Variants in TXNRD2 observed in about 807,000 individuals in gnomAD.
TXNRD2 encodes the protein thioredoxin reductase 2, mitochondrial.
TXNRD2 carries 67 observed loss-of-function variants against 70.8 expected under a neutral mutation model. That is an observed-to-expected ratio of 0.95 (90% CI 0.78 to 1.16). The LOEUF (loss-of-function observed/expected upper bound fraction) is 1.16, where lower values mean the gene tolerates loss of function less well. Ranked by LOEUF, TXNRD2 falls within the 50% of genes most tolerant of loss-of-function variation. The probability of loss-of-function intolerance (pLI) is 0.00; values close to 1 mark genes in which losing one functional copy is unlikely to be tolerated. For missense variants in TXNRD2, 644 were observed against 719.9 expected (o/e 0.89, Z 1.21); for synonymous variants, 301 against 295.8 (o/e 1.02, Z -0.18).
intron 1 of TXNRD2, chr22:19,941,490 C>T: frequency 1.2e-6 from 1 of 824,076 alleles, no homozygotes; most frequent in East Asian, 3.5e-5. Flanking sequence ...GACAAGGCAC[C>T]CAGCCCCAGT....
At position 19,932,557 on chromosome 22, in the gene TXNRD2, A is replaced by G; in HGVS notation, c.104-1459T>C. The G allele has an allele frequency of 8.1e-6, 12 of 1,482,782 alleles. No homozygotes were observed. The South Asian group carries it at 1.5e-4, about 19-fold the overall frequency. 91.9% of individuals were successfully genotyped at this position (1,482,782 alleles called of 1,614,324 possible). A position where few individuals can be genotyped will look rare whatever the true frequency, so the allele number is the denominator to read the frequency against. On this transcript the variant is annotated intron_variant, in intron 1 of 17. Transcript: ENST00000400521. Reference sequence around the variant, plus strand: ...CTGAACTGGGCCTGAGGTCCGGGACACCCAGCACCAGGCACCAGCCAACTC... The same window carrying G: ...CTGAACTGGGCCTGAGGTCCGGGACGCCCAGCACCAGGCACCAGCCAACTC...
chr22:19,928,442 T>C (rs1941234891), intron 2 of TXNRD2, among the ~76,000 whole-genome samples: 1 of 152,176 alleles, frequency 6.6e-6, no homozygotes, highest in African/African-American at 2.4e-5. Context: ...CTCAAGGTCA[T>C]TACCCTGAGT....
chr22:19,928,247 A>T (rs1941225751), intron 2 of TXNRD2, among the ~76,000 whole-genome samples: 1 of 152,210 alleles, frequency 6.6e-6, no homozygotes, highest in African/African-American at 2.4e-5. Flanking sequence ...AATTTAAAAC[A>T]TATATCCACA....
intron 1 of TXNRD2, among the ~76,000 whole-genome samples, chr22:19,936,834 T>C (rs951705578): frequency 1.3e-5 from 2 of 152,326 alleles, no homozygotes; most frequent in Middle Eastern, 3.4e-3. Context: ...CTCTATCTCA[T>C]GTGCCTGCTC....
intron 8 of TXNRD2, among the ~76,000 whole-genome samples, chr22:19,908,086 G>A (rs1230785009): frequency 1.8e-4 from 19 of 102,742 alleles, no homozygotes; most frequent in African/African-American, 3.1e-4. Flanking sequence ...TGTGGGCGCC[G>A]TGGGTAGCAG....
intron 1 of TXNRD2, among the ~76,000 whole-genome samples, chr22:19,939,346 C>T (rs991878714): frequency 6.6e-6 from 1 of 152,188 alleles, no homozygotes; most frequent in Non-Finnish European, 1.5e-5. Flanking sequence ...AAAATCTCAC[C>T]ATTTCTATTA....
intron 7 of TXNRD2, among the ~76,000 whole-genome samples, chr22:19,913,956 G>A (rs1054515246): frequency 1.3e-5 from 2 of 152,234 alleles, no homozygotes; most frequent in Non-Finnish European, 2.9e-5. Context: ...CAAAGAATAA[G>A]AGTCTACAAA....
chr22:19,902,152 C>T (rs1939806594), intron 8 of TXNRD2, among the ~76,000 whole-genome samples: 1 of 152,178 alleles, frequency 6.6e-6, no homozygotes, highest in African/African-American at 2.4e-5. Context: ...AGCTGCACTC[C>T]AGCCCGGGAA....
At chr22:19,933,694 G>C (rs1941446252) in intron 1 of TXNRD2, among the ~76,000 whole-genome samples, 1 of 152,220 alleles carries the variant, frequency 6.6e-6, no homozygotes, top group African/African-American at 2.4e-5. Context: ...GGCTTGGGTA[G>C]CCTGCTGGGA....
intron 11 of TXNRD2, among the ~76,000 whole-genome samples, chr22:19,890,931 C>CCCA (rs1939237339): frequency 6.6e-6 from 1 of 152,114 alleles, no homozygotes; most frequent in Non-Finnish European, 1.5e-5. Context: ...ACCGCCAGCC[C>CCCA]CCATCATCAT....
At chr22:19,911,950 C>T (rs1011757645) in intron 7 of TXNRD2, among the ~76,000 whole-genome samples, 9 of 152,118 alleles carry the variant, frequency 5.9e-5, no homozygotes, top group Admixed American at 1.3e-4. Flanking sequence ...TGTGTCTGCG[C>T]GGCAGGGGTG....
At chr22:19,934,911 C>T (rs1394840713) in intron 1 of TXNRD2, among the ~76,000 whole-genome samples, 2 of 152,190 alleles carry the variant, frequency 1.3e-5, no homozygotes, top group African/African-American at 4.8e-5. Context: ...ATCTCTTAAT[C>T]CTGTTATCTT....
intron 11 of TXNRD2, among the ~76,000 whole-genome samples, chr22:19,890,271 T>C (rs1358097058): frequency 2.0e-5 from 3 of 152,228 alleles, no homozygotes; most frequent in African/African-American, 7.2e-5. Context: ...ATGTTCATCT[T>C]GGCCCCACTT....
At chr22:19,911,468 C>A (rs1454021000) in intron 7 of TXNRD2, 21 bp from the exon 8 acceptor site, 1 of 1,605,444 alleles carries the variant, frequency 6.2e-7, no homozygotes, top group Admixed American at 1.7e-5. Context: ...AGAAATGACC[C>A]CTTGGACAAG....
chr22:19,901,190 G>T (rs557468249), intron 8 of TXNRD2, among the ~76,000 whole-genome samples: 1 of 152,222 alleles, frequency 6.6e-6, no homozygotes, highest in Non-Finnish European at 1.5e-5. Context: ...TGACCCACCA[G>T]GCCTGGATTG....
intron 8 of TXNRD2, among the ~76,000 whole-genome samples, chr22:19,910,782 A>G (rs2146023196): frequency 6.6e-6 from 1 of 152,244 alleles, no homozygotes; most frequent in East Asian, 1.9e-4. Flanking sequence ...TAATATTTTC[A>G]GATTTTTGTA....
intron 1 of TXNRD2, among the ~76,000 whole-genome samples, chr22:19,939,513 C>A (rs1235868074): frequency 6.6e-6 from 1 of 152,196 alleles, no homozygotes; most frequent in East Asian, 1.9e-4. Flanking sequence ...TCTTATTGGG[C>A]TTATGTGCCT....
chr22:19,923,746 G>A (rs961992220), intron 2 of TXNRD2, among the ~76,000 whole-genome samples: 6 of 151,734 alleles, frequency 4.0e-5, no homozygotes, highest in Non-Finnish European at 7.4e-5. Context: ...AGGTTGCAGT[G>A]AGCCGAGATG....
intron 8 of TXNRD2, among the ~76,000 whole-genome samples, chr22:19,909,912 A>C: frequency 2.2e-5 from 1 of 46,320 alleles, no homozygotes; most frequent in African/African-American, 1.1e-4. Context: ...CCACACACCC[A>C]CACCCTTCAC....
Sources: gnomAD v4.1 joint callset for allele counts (sites outside exome capture counted in the v4.1 genomes callset) on GRCh38, gnomAD v4.1.1 for gene constraint, MANE v1.5 for transcripts, NCBI Gene and HGNC (gene_info 2026-07-23, HGNC 2026-07-21) for gene names.